The following SREBF2 variants were observed in gnomAD, a reference collection of about 807,000 sequenced individuals.
SREBF2 encodes sterol regulatory element binding transcription factor 2, also known as sterol regulatory element-binding protein 2.
A neutral mutation model predicts 113.1 loss-of-function variants in SREBF2; 55 were observed. That is an observed-to-expected ratio of 0.49 (90% CI 0.39 to 0.61). The LOEUF is 0.61. Among genes scored for constraint, SREBF2 ranks in the 20% least tolerant of loss-of-function variants. The probability of loss-of-function intolerance (pLI) is 0.00; values close to 1 mark genes in which losing one functional copy is unlikely to be tolerated. For synonymous variants in SREBF2, 593 were observed against 605.7 expected, an observed-to-expected ratio of 0.98 and a Z score of 0.31; for missense variants, 1,349 against 1,487.4, an observed-to-expected ratio of 0.91 and a Z score of 1.53.
chr22:41,833,413 G>T lies in SREBF2; in HGVS notation c.88+55G>T. ...GCCGCGCGGGGAGGAAGGGGTTACG[G>T]CGGCGCGCCCGGGTGCGCGTGCGCC... On this transcript the variant is annotated intron_variant, in intron 1 of 18. Transcript: ENST00000361204. The surrounding 1 kb of genome is among the most constrained non-coding windows in gnomAD (Gnocchi z 4.1). The T allele has an allele frequency of 6.8e-7, 1 of 1,478,924 alleles. No homozygotes were observed. The allele number at this position is 1,478,924 out of a possible 1,614,324, so 91.6% of individuals were successfully genotyped here. A position where few individuals can be genotyped will look rare whatever the true frequency, so the allele number is the denominator to read the frequency against.
chr22:41,878,602 C>T (rs1267577333), intron 9 of SREBF2: 1 of 1,151,202 alleles, frequency 8.7e-7, no homozygotes, highest in African/African-American at 1.6e-5. Context: ...CTCTATAGAA[C>T]CAGGAAAGGT....
chr22:41,894,848 C>G lies in SREBF2; in HGVS notation c.2406C>G (p.Ala802=), dbSNP rs557048134. The change falls in exon 13 of 19, where the codon GCC becomes GCG. Residue 802 remains alanine (A), a synonymous_variant. Transcript: ENST00000361204. ...PADPIAQVHQ[A]FCKNLLERAI... is the part of the protein sequence containing the mutation. ...ACCCCATTGCGCAGGTCCACCAGGC[C>G]TTCTGCAAGAACCTGCTGGAGCGAG... is the stretch of plus-strand genomic sequence containing the variant. 1 of 1,614,186 alleles carries G rather than the reference C, an allele frequency of 6.2e-7. No individual in the cohort carries two copies. Among genetic ancestry groups the G allele is most frequent in the African/African-American group, 1.3e-5 (1 of 75,056 alleles).
Position 41,900,342 on chromosome 22 carries a change from G to A in SREBF2, c.2751G>A (p.Val917=), listed in dbSNP as rs1455927843. 6.2e-7 allele frequency: 1 copy of A among 1,613,380 alleles called. No homozygotes were observed. The highest frequency in any genetic ancestry group is 1.1e-5 in the South Asian group (1 of 91,078). Residue 917 remains valine, a synonymous_variant, in exon 16 of 19, where the codon GTG becomes GTA. Transcript: ENST00000361204. ...GTCACTGCTGCAGGAGCCCCCTGGT[G>A]AAGGCCATCTTCCATGCCTGCAGAG... is the stretch of plus-strand genomic sequence containing the variant. ...KALEVTESPL[V]KAIFHACRAM... is the part of the protein sequence containing the mutation.
In SREBF2 at chr22:41,900,237, T is replaced by C. The variant is rs1226847430; in HGVS notation, c.2739-93T>C. Reference sequence around the variant, plus strand: ...TCAACAGATGCACATGTCATATCAGTGTGGGGCGTGGCAGTCACTGGCTTG... The same window carrying C: ...TCAACAGATGCACATGTCATATCAGCGTGGGGCGTGGCAGTCACTGGCTTG... On this transcript the variant is annotated intron_variant, in intron 15 of 18. Coordinates refer to ENST00000361204, the MANE Select transcript of SREBF2 (RefSeq NM_004599.4). 14 of 1,566,454 alleles carry C rather than the reference T, an allele frequency of 8.9e-6. No homozygotes were observed. In the East Asian group the frequency reaches 9.4e-5, roughly 10 times the overall value.
intron 1 of SREBF2, among the ~76,000 whole-genome samples, chr22:41,859,978 T>A (rs2148366326): frequency 6.6e-6 from 1 of 151,906 alleles, no homozygotes. Flanking sequence ...GCTAATTTTT[T>A]ATATTTTTAG....
In SREBF2 at chr22:41,885,057, A is replaced by T. The variant is rs767808830; in HGVS notation, c.2208+46A>T. On this transcript the variant is annotated intron_variant, in intron 11 of 18. Transcript: ENST00000361204. The stretch of plus-strand genomic sequence containing the variant: ...TTCTGTAAACCTCCCCTGAGCACTT[A>T]CCTAGCCAGGAGTTAAGATGCAGAA... 5.0e-6 allele frequency: 8 copies of T among 1,608,014 alleles called. No individual in the cohort carries two copies. In the African/African-American group the frequency reaches 1.1e-4, roughly 22 times the overall value.
chr22:41,835,588 G>A (rs1476620064), intron 1 of SREBF2, among the ~76,000 whole-genome samples: 2 of 151,906 alleles, frequency 1.3e-5, no homozygotes, highest in Non-Finnish European at 2.9e-5. Flanking sequence ...GAGATTACAG[G>A]CATGAGCCAC....
At chr22:41,860,879 C>CA (rs1470356718) in intron 1 of SREBF2, among the ~76,000 whole-genome samples, 2 of 149,092 alleles carry the variant, frequency 1.3e-5, no homozygotes, top group East Asian at 1.9e-4. Context: ...GACCCTGTCT[C>CA]AAAAAAATAA....
At chr22:41,869,538 C>A (rs888121796) in intron 3 of SREBF2, among the ~76,000 whole-genome samples, 1 of 150,146 alleles carries the variant, frequency 6.7e-6, no homozygotes, top group Non-Finnish European at 1.5e-5. Flanking sequence ...GGTTGGAGTG[C>A]AGTGGCGTGA....
At chr22:41,834,517 A>G (rs1049694548) in intron 1 of SREBF2, 1 of 152,708 alleles carries the variant, frequency 6.5e-6, no homozygotes, top group Admixed American at 6.5e-5. Flanking sequence ...CCAGGATCTC[A>G]CTACAGCCTT....
chr22:41,878,321 C>T (rs1007056261), intron 9 of SREBF2, among the ~76,000 whole-genome samples, 198 bp downstream of exon 9: 4 of 152,086 alleles, frequency 2.6e-5, no homozygotes, highest in African/African-American at 9.7e-5. Flanking sequence ...TCTATGTCTC[C>T]GGTATGACAG....
At chr22:41,884,658 C>T (rs558725346) in intron 10 of SREBF2, among the ~76,000 whole-genome samples, 184 bp from the exon 11 acceptor site, 296 of 152,266 alleles carry the variant, frequency 1.9e-3, no homozygotes, top group African/African-American at 6.9e-3. Flanking sequence ...GTGAGGTAGA[C>T]AGGAACACAC....
At chr22:41,869,736 C>G (rs191918048) in intron 3 of SREBF2, among the ~76,000 whole-genome samples, 5 of 152,216 alleles carry the variant, frequency 3.3e-5, no homozygotes, top group African/African-American at 1.2e-4. Flanking sequence ...GCATCGATCT[C>G]GGCCTCCCAA....
Position 41,903,102 on chromosome 22 carries a change from G to A in SREBF2, c.3040G>A (p.Asp1014Asn). 1.3e-6 allele frequency: 2 copies of A among 1,572,460 alleles called. No homozygotes were observed. Among genetic ancestry groups the A allele is most frequent in the Non-Finnish European group, 1.7e-6 (2 of 1,158,962 alleles). ...SGAELAGFQR[D>N]LGSLRRLAHS... ...CGCTGAACTGGCGGGCTTCCAACGG[G>A]ACCTGGGCAGCCTGCGCAGGCTGGC... Residue 1014 changes from aspartate to asparagine, a missense_variant, in exon 17 of 19, where the codon GAC (aspartate) becomes AAC (asparagine). Physicochemically the swap from Asp to Asn is conservative, Grantham distance 23. Transcript: ENST00000361204.
chr22:41,875,781 A>G, intron 7 of SREBF2, 57 bp downstream of exon 7: 3 of 1,598,882 alleles, frequency 1.9e-6, no homozygotes, highest in Non-Finnish European at 2.6e-6. Flanking sequence ...CCCTAAGAAG[A>G]TAGCTGGGAG....
At chr22:41,835,902 G>A (rs549264670) in intron 1 of SREBF2, among the ~76,000 whole-genome samples, 1 of 152,344 alleles carries the variant, frequency 6.6e-6, no homozygotes, top group African/African-American at 2.4e-5. Context: ...TGGGATTACT[G>A]GCATGAGCCA....
At chr22:41,865,385 A>G (rs916566596) in intron 1 of SREBF2, among the ~76,000 whole-genome samples, 1 of 152,184 alleles carries the variant, frequency 6.6e-6, no homozygotes, top group Non-Finnish European at 1.5e-5. Flanking sequence ...AGAAAAGAAT[A>G]TGGACAATGT....
chr22:41,905,728 C>A lies in SREBF2; in HGVS notation c.*68C>A. 6.7e-7 allele frequency: 1 copy of A among 1,490,240 alleles called. No homozygotes were observed. The highest frequency in any genetic ancestry group is 9.2e-7 in the Non-Finnish European group (1 of 1,092,250). 92.3% of individuals were successfully genotyped at this position (1,490,240 alleles called of 1,614,324 possible). ...CTCTCTCCCCCTCAGCATCTTCCCG[C>A]TGAGAGTGGTGGGGAAGAGCCTTGT... On this transcript the variant is annotated 3_prime_UTR_variant, in exon 19 of 19. Transcript: ENST00000361204.
At chr22:41,837,556 TAA>T (rs764852977) in intron 1 of SREBF2, among the ~76,000 whole-genome samples, 41 of 75,418 alleles carry the variant, frequency 5.4e-4, no homozygotes, top group African/African-American at 8.8e-4. Context: ...AGACTCTGTC[TAA>T]AAAAAAAAAA....
Sources: gnomAD v4.1 joint callset for allele counts (sites outside exome capture counted in the v4.1 genomes callset) on GRCh38, gnomAD v4.1.1 for gene constraint, Gnocchi (gnomAD v3.1) non-coding constraint, MANE v1.5 for transcripts, NCBI Gene and HGNC (gene_info 2026-07-23, HGNC 2026-07-21) for gene names.